DLG5: variants seen among roughly 807,000 people sequenced by gnomAD.
DLG5 encodes discs large MAGUK scaffold protein 5, also known as disks large homolog 5.
Under a neutral mutation model 189.8 loss-of-function variants are expected in DLG5, and 48 were observed. The ratio of observed to expected loss-of-function variants is 0.25; its 90% CI spans 0.20 to 0.32. The LOEUF (loss-of-function observed/expected upper bound fraction) is 0.32, where lower values mean the gene tolerates loss of function less well. Among genes scored for constraint, DLG5 ranks in the 10% least tolerant of loss-of-function variants. The pLI, the probability that DLG5 is intolerant of heterozygous loss-of-function variation, is 1.00. For missense variants in DLG5, 2,160 were observed against 2,544.7 expected (o/e 0.85, Z 3.25); for synonymous variants, 1,016 against 1,054.1 (o/e 0.96, Z 0.70).
chr10:77,856,657 G>T, intron 3 of DLG5, 73 bp downstream of exon 3: 1 of 1,564,204 alleles, frequency 6.4e-7, no homozygotes, highest in Non-Finnish European at 8.7e-7. Context: ...GGGTGTTTGG[G>T]GGTGACAGCA....
chr10:77,850,774 C>T (rs1843932512), intron 5 of DLG5, among the ~76,000 whole-genome samples: 1 of 152,222 alleles, frequency 6.6e-6, no homozygotes, highest in Non-Finnish European at 1.5e-5. Context: ...CACGCGGCGC[C>T]AGTGCCTTCT....
At chr10:77,929,940 C>T (rs1203852268), upstream of DLG5, 1 of 152,140 alleles carries the variant, frequency 6.6e-6, no homozygotes, top group Non-Finnish European at 1.5e-5. Flanking sequence ...GACGGGGGTC[C>T]CTATTTTACA....
chr10:77,792,600 G>C, intron 31 of DLG5, 57 bp from the exon 32 acceptor site: 1 of 1,531,554 alleles, frequency 6.5e-7, no homozygotes, highest in East Asian at 2.2e-5. Context: ...CCAGGTTTGA[G>C]GCAAGGCAGT....
the DLG5 span, among the ~76,000 whole-genome samples, chr10:77,939,727 T>C: frequency 6.6e-6 from 1 of 152,156 alleles, no homozygotes; most frequent in Non-Finnish European, 1.5e-5. Context: ...GCCTTCACTT[T>C]CCAGCTGGGA....
At chr10:77,852,052 G>A (rs542457488) in intron 5 of DLG5, among the ~76,000 whole-genome samples, 1 of 152,296 alleles carries the variant, frequency 6.6e-6, no homozygotes, top group South Asian at 2.1e-4. Context: ...CTACACATGG[G>A]GGATTGACCA....
chr10:77,794,127 C>T lies in DLG5; in HGVS notation c.5547-10G>A, dbSNP rs1382012243. On this transcript the variant is annotated splice_polypyrimidine_tract_variant and intron_variant, in intron 30 of 31. Coordinates refer to ENST00000372391, the MANE Select transcript of DLG5 (RefSeq NM_004747.4). The stretch of plus-strand genomic sequence containing the variant: ...GGGGTCTCTCTGCTCCCTGTGGGGA[C>T]AGCCAGACACCAGGCTGAGCACTGA... 1 of 1,610,956 alleles carries T rather than the reference C, an allele frequency of 6.2e-7. No individual in the cohort carries two copies. The highest frequency in any genetic ancestry group is 8.5e-7 in the Non-Finnish European group (1 of 1,177,200).
chr10:77,913,424 C>T (rs906680678), intron 1 of DLG5, among the ~76,000 whole-genome samples: 1 of 152,094 alleles, frequency 6.6e-6, no homozygotes, highest in African/African-American at 2.4e-5. Flanking sequence ...GAGCATCACC[C>T]GGGCAACTTG....
chr10:77,811,682 C>A lies in DLG5; in HGVS notation c.4322+242G>T, dbSNP rs149060878. On this transcript the variant is annotated intron_variant, in intron 22 of 31. Transcript: ENST00000372391. ...CCCCCGGGGCCACAACTCCTGGCTA[C>A]CATGGGCCCCTGCTGGTCAGGGGGA... Among the ~76,000 whole-genome samples, 127 of 152,270 alleles carry A rather than the reference C, an allele frequency of 8.3e-4. 1 individual carries two copies. The East Asian group carries it at 0.024, about 29-fold the overall frequency.
chr10:77,802,886 C>T (rs545601985), intron 27 of DLG5, among the ~76,000 whole-genome samples: 8 of 152,004 alleles, frequency 5.3e-5, no homozygotes, highest in Non-Finnish European at 8.8e-5. Flanking sequence ...GGCGACAGAG[C>T]GAGATTCTGC....
At position 77,843,467 on chromosome 10, in the gene DLG5, C is replaced by G. The variant is rs759300654; in HGVS notation, c.1104G>C (p.Gln368His). The G allele has an allele frequency of 2.5e-6, 4 of 1,613,966 alleles. No individual in the cohort carries two copies. Among genetic ancestry groups the G allele is most frequent in the Non-Finnish European group, 3.4e-6 (4 of 1,180,048 alleles). ...QRDTAIQLQH[Q>H]CALSLRRFEA... Reference sequence around the variant, plus strand: ...CCTACCTCCTCAGGGAGAGGGCGCACTGGTGCTGCAGCTGGATGGCCGTGT... The same window carrying G: ...CCTACCTCCTCAGGGAGAGGGCGCAGTGGTGCTGCAGCTGGATGGCCGTGT... The change falls in exon 6 of 32, where the codon CAG becomes CAC. Residue 368 changes from glutamine to histidine, a missense_variant. Physicochemically the swap from Gln to His is conservative, Grantham distance 24. Transcript: ENST00000372391.
At chr10:77,858,377 G>A (rs561891369) in intron 2 of DLG5, among the ~76,000 whole-genome samples, 1 of 152,292 alleles carries the variant, frequency 6.6e-6, no homozygotes, top group African/African-American at 2.4e-5. Flanking sequence ...GCTCATGCCT[G>A]TAATCCAAGC....
Position 77,830,358 on chromosome 10 carries a change from A to G in DLG5, c.1882-14T>C, listed in dbSNP as rs529559460. ...GTCAATATCCTCCTGCAAAAACAGC[A>G]GCAACAGCAACGCATTTCACAAAGC... On this transcript the variant is annotated splice_polypyrimidine_tract_variant and intron_variant, in intron 10 of 31. Coordinates refer to ENST00000372391, the MANE Select transcript of DLG5 (RefSeq NM_004747.4). 7 of 1,614,188 alleles carry G rather than the reference A, an allele frequency of 4.3e-6. No individual in the cohort carries two copies. In the South Asian group the frequency reaches 7.7e-5, roughly 18 times the overall value.
chr10:77,821,118 C>A lies in DLG5; in HGVS notation c.3366G>T (p.Lys1122Asn). ...GAGCAGGAATCACTACTGGAGCAAG[C>A]TTCGGCCGAAAACTGGGAGCAGATT... ...RPKSAPSFRP[K>N]LAPVVIPAQF... is the part of the protein sequence containing the mutation. The change falls in exon 15 of 32, where the codon AAG becomes AAT. Residue 1122 changes from lysine to asparagine, a missense_variant. By Grantham distance (94) the Lys-to-Asn change is moderately conservative (BLOSUM62 0). This residue lies in a region of DLG5 where 754 missense variants were observed against 746.5 expected (regional missense o/e 1.01). Coordinates refer to ENST00000372391, the MANE Select transcript of DLG5 (RefSeq NM_004747.4). The A allele has an allele frequency of 6.2e-7, 1 of 1,613,844 alleles. No homozygotes were observed. Among genetic ancestry groups the A allele is most frequent in the East Asian group, 2.2e-5 (1 of 44,882 alleles).
intron 4 of DLG5, among the ~76,000 whole-genome samples, chr10:77,853,951 A>C (rs114249738): frequency 6.6e-6 from 1 of 152,250 alleles, no homozygotes; most frequent in African/African-American, 2.4e-5. Flanking sequence ...ACAGAGACCC[A>C]GAGGCCTGCC....
At chr10:77,886,079 G>A (rs981905946) in intron 1 of DLG5, among the ~76,000 whole-genome samples, 4 of 152,200 alleles carry the variant, frequency 2.6e-5, no homozygotes, top group Non-Finnish European at 5.9e-5. Context: ...CAGCCTGGCT[G>A]TTCATCAGAA....
chr10:77,833,805 G>A (rs1564528312), intron 9 of DLG5, 109 bp downstream of exon 9: 1 of 1,484,544 alleles, frequency 6.7e-7, no homozygotes, highest in South Asian at 1.3e-5. Context: ...GCTCGACGCA[G>A]AAGGATGAGG....
rs1376170378 is a variant in DLG5, at chr10:77,805,845, A to G, written c.4984T>C (p.Ser1662Pro). 6.2e-7 allele frequency: 1 copy of G among 1,613,370 alleles called. No homozygotes were observed. ...PSKYVMDQEFSRRLSMSEVKD... is the reference protein window; with the variant it reads ...PSKYVMDQEFPRRLSMSEVKD... ...ACTTCAGACATGCTGAGCCTCCTGG[A>G]GAATTCTTGGTCCATCCTGTGGCAC... The change falls in exon 27 of 32, where the codon TCC becomes CCC. Residue 1662 changes from serine to proline, a missense_variant. Ser to Pro is a moderately conservative substitution (Grantham distance 74). Coordinates refer to ENST00000372391, the MANE Select transcript of DLG5 (RefSeq NM_004747.4).
At chr10:77,793,635 C>T in intron 31 of DLG5, 1 of 233,818 alleles carries the variant, frequency 4.3e-6, no homozygotes, top group Non-Finnish European at 8.2e-6. Flanking sequence ...GACAGATGGG[C>T]CCCTAGCCTC....
chr10:77,823,103 G>A (rs141859209), intron 14 of DLG5, among the ~76,000 whole-genome samples: 424 of 152,236 alleles, frequency 2.8e-3, no homozygotes, highest in African/African-American at 8.9e-3. Flanking sequence ...TAATTATAAC[G>A]CATGTACTAA....
Sources: gnomAD v4.1 joint callset for allele counts (sites outside exome capture counted in the v4.1 genomes callset) on GRCh38, gnomAD v4.1.1 for gene constraint, gnomAD v4.1.1 regional missense constraint, MANE v1.5 for transcripts, NCBI Gene and HGNC (gene_info 2026-07-23, HGNC 2026-07-21) for gene names.